Variants in FSTL5 observed in about 807,000 individuals in gnomAD.
FSTL5 encodes follistatin-related protein 5.
Under a neutral mutation model 89.1 loss-of-function variants are expected in FSTL5, and 62 were observed. The ratio of observed to expected loss-of-function variants is 0.70; its 90% CI spans 0.57 to 0.86. The LOEUF is 0.86. FSTL5 is among the 40% of genes least tolerant of loss of function. The pLI is 0.00. For missense variants in FSTL5, 1,057 were observed against 1,001.6 expected (o/e 1.06, Z -0.75); for synonymous variants, 383 against 346.2 (o/e 1.11, Z -1.18).
At chr4:161,753,533 T>C (rs1218895639) in intron 6 of FSTL5, among the ~76,000 whole-genome samples, 3 of 152,190 alleles carry the variant, frequency 2.0e-5, no homozygotes, top group African/African-American at 7.2e-5. Context: ...TAGTGCAACA[T>C]TCTTAATTTT....
intron 8 of FSTL5, among the ~76,000 whole-genome samples, chr4:161,558,798 A>G (rs1732484296): frequency 6.6e-6 from 1 of 151,936 alleles, no homozygotes; most frequent in Non-Finnish European, 1.5e-5. Flanking sequence ...TAGCCCAATT[A>G]GTAAACTGGT....
chr4:161,771,690 T>C (rs925385140), intron 5 of FSTL5, among the ~76,000 whole-genome samples: 6 of 152,160 alleles, frequency 3.9e-5, no homozygotes, highest in African/African-American at 1.4e-4. Context: ...CCTGTTTTAA[T>C]CCTTCCATAT....
At chr4:161,865,014 C>T (rs1226175961) in intron 4 of FSTL5, among the ~76,000 whole-genome samples, 1 of 151,304 alleles carries the variant, frequency 6.6e-6, no homozygotes, top group Non-Finnish European at 1.5e-5. Flanking sequence ...TTGTAATAAT[C>T]AGAGATACGC....
At chr4:162,077,080 G>C (rs1197852955) in intron 2 of FSTL5, among the ~76,000 whole-genome samples, 2 of 151,748 alleles carry the variant, frequency 1.3e-5, no homozygotes, top group African/African-American at 4.8e-5. Context: ...CCTGTCACTA[G>C]GTAATTTATA....
chr4:161,387,027 A>C (rs563190857), intron 15 of FSTL5: 1 of 152,230 alleles, frequency 6.6e-6, no homozygotes, highest in African/African-American at 2.4e-5. Flanking sequence ...GAAGAACTTT[A>C]TTTTTATATT....
chr4:161,492,137 C>CT (rs1169066409), intron 12 of FSTL5, among the ~76,000 whole-genome samples: 3 of 151,874 alleles, frequency 2.0e-5, no homozygotes, highest in Admixed American at 6.6e-5. Flanking sequence ...GTATTATTTC[C>CT]TTTTTTGTGT....
chr4:161,853,834 G>C (rs1412948127), intron 4 of FSTL5, among the ~76,000 whole-genome samples: 1 of 152,026 alleles, frequency 6.6e-6, no homozygotes, highest in Non-Finnish European at 1.5e-5. Flanking sequence ...CAGACTGGGG[G>C]GACATTAGCA....
intron 7 of FSTL5, among the ~76,000 whole-genome samples, chr4:161,624,718 T>C (rs1735255128): frequency 6.6e-6 from 1 of 152,076 alleles, no homozygotes; most frequent in Non-Finnish European, 1.5e-5. Flanking sequence ...AAGTTAAGCA[T>C]CTAGAATGAG....
At chr4:161,937,423 G>A (rs1578875798) in intron 3 of FSTL5, among the ~76,000 whole-genome samples, 1 of 152,174 alleles carries the variant, frequency 6.6e-6, no homozygotes, top group East Asian at 1.9e-4. Context: ...ACTTGAGAGA[G>A]TTCACCCAGT....
At position 161,766,929 on chromosome 4, in the gene FSTL5, T is replaced by C. The variant is rs1270970353; in HGVS notation, c.607-7398A>G. Among the ~76,000 whole-genome samples, 3 of 151,910 alleles carry C rather than the reference T, an allele frequency of 2.0e-5. No homozygotes were observed. The East Asian group carries it at 5.8e-4, about 29-fold the overall frequency. ...ATCGATTGATAGATAGATAGATAGA[T>C]AGATAGATAGATAGATAGATAGATA... On this transcript the variant is annotated intron_variant, in intron 5 of 15. Coordinates refer to ENST00000306100, the MANE Select transcript of FSTL5 (RefSeq NM_020116.5).
intron 7 of FSTL5, among the ~76,000 whole-genome samples, chr4:161,640,804 G>A (rs1459463595): frequency 6.6e-6 from 1 of 152,120 alleles, no homozygotes; most frequent in Non-Finnish European, 1.5e-5. Context: ...ACATCCAAGA[G>A]TCTCCACAAA....
intron 6 of FSTL5, among the ~76,000 whole-genome samples, chr4:161,727,265 GT>G (rs1227305199): frequency 6.6e-6 from 1 of 152,086 alleles, no homozygotes; most frequent in Admixed American, 6.5e-5. Flanking sequence ...TGTGATAATA[GT>G]TGCCTTTCAT....
At chr4:161,795,689 C>T (rs551619559) in intron 4 of FSTL5, among the ~76,000 whole-genome samples, 8 of 152,122 alleles carry the variant, frequency 5.3e-5, no homozygotes, top group Admixed American at 5.2e-4. Flanking sequence ...ATTCGGTTTA[C>T]CCAGCACTAT....
intron 4 of FSTL5, among the ~76,000 whole-genome samples, chr4:161,837,666 T>C (rs1227563006): frequency 6.6e-6 from 1 of 151,890 alleles, no homozygotes; most frequent in African/African-American, 2.4e-5. Context: ...TCATGATTCA[T>C]AAAAAAGGAA....
chr4:161,560,273 C>T (rs182316650), intron 8 of FSTL5, among the ~76,000 whole-genome samples: 8 of 151,890 alleles, frequency 5.3e-5, no homozygotes, highest in Admixed American at 1.3e-4. Flanking sequence ...GCACTTACCA[C>T]GAATGAAGCT....
chr4:161,615,767 CATT>C (rs1186416087), intron 7 of FSTL5, among the ~76,000 whole-genome samples: 1 of 152,000 alleles, frequency 6.6e-6, no homozygotes, highest in South Asian at 2.1e-4. Flanking sequence ...ATAAAATAAA[CATT>C]AGAACGAATG....
chr4:161,744,916 T>C (rs2126775546), intron 6 of FSTL5, among the ~76,000 whole-genome samples: 1 of 152,024 alleles, frequency 6.6e-6, no homozygotes, highest in Admixed American at 6.6e-5. Context: ...TGAAAAATGG[T>C]AAAAGGCCAT....
intron 10 of FSTL5, among the ~76,000 whole-genome samples, chr4:161,515,240 C>T (rs1730780909): frequency 6.6e-6 from 1 of 151,772 alleles, no homozygotes; most frequent in Non-Finnish European, 1.5e-5. Flanking sequence ...GTCTGTTGTC[C>T]AGGCTGGAGT....
intron 7 of FSTL5, among the ~76,000 whole-genome samples, chr4:161,629,530 A>G (rs553519766): frequency 1.3e-5 from 2 of 152,156 alleles, no homozygotes; most frequent in South Asian, 4.1e-4. Flanking sequence ...TTTTTAGTAG[A>G]GACAGAGTTT....
Sources: allele counts gnomAD v4.1 joint callset (sites outside exome capture counted in the v4.1 genomes callset), GRCh38; gene constraint gnomAD v4.1.1; transcripts MANE v1.5; gene names NCBI Gene and HGNC (gene_info 2026-07-23, HGNC 2026-07-21).